The following CCDC92B variants were observed in gnomAD, a reference collection of about 807,000 sequenced individuals.
CCDC92B encodes coiled-coil domain containing 92B.
Under a neutral mutation model 5.6 loss-of-function variants are expected in CCDC92B, and 2 were observed. The ratio of observed to expected loss-of-function variants is 0.36; its 90% CI spans 0.15 to 1.12. The LOEUF (loss-of-function observed/expected upper bound fraction) is 1.12, where lower values mean the gene tolerates loss of function less well. Among genes scored for constraint, CCDC92B ranks in the 50% most tolerant of loss-of-function variants. CCDC92B has a pLI of 0.40. For missense variants in CCDC92B, 271 were observed against 262.2 expected (o/e 1.03, Z -0.23); for synonymous variants, 115 against 122.3 (o/e 0.94, Z 0.39).
At chr17:2,736,775 G>T (rs995956866) in intron 1 of CCDC92B, among the ~76,000 whole-genome samples, 1 of 151,650 alleles carries the variant, frequency 6.6e-6, no homozygotes, top group African/African-American at 2.4e-5. Context: ...CAGCTACTCG[G>T]GAGGCTGAGG....
At position 2,724,506 on chromosome 17, in the gene CCDC92B, G is replaced by A. The variant is rs2070700220; in HGVS notation, c.673C>T (p.Arg225Cys). The A allele has an allele frequency of 1.0e-6, 1 of 980,934 alleles. No homozygotes were observed. The highest frequency in any genetic ancestry group is 1.2e-6 in the Non-Finnish European group (1 of 827,090). The allele number at this position is 980,934 out of a possible 1,614,324, so 60.8% of individuals were successfully genotyped here. Residue 225 changes from arginine (R) to cysteine (C), a missense_variant, in exon 4 of 4, where the codon CGC (arginine) becomes TGC (cysteine). By Grantham distance (180) the Arg-to-Cys change is radical. Coordinates refer to ENST00000614400, the MANE Select transcript of CCDC92B (RefSeq NM_001355573.2). The surrounding 1 kb of genome is among the most constrained non-coding windows in gnomAD (Gnocchi z 5.0). ...TGGGGAGGCGGCTGGCGCGGGCTGC[G>A]GGCGCTGGGCCGCAGCGGCCTGCGT... ...YARRPLRPSA[R>C]SPRQPPPQEP...
In CCDC92B at chr17:2,721,262, G is replaced by C. The variant is rs2070652786; in HGVS notation, c.*3149C>G. 6.6e-6 allele frequency: 1 copy of C among 152,402 alleles called. No individual in the cohort carries two copies. Among genetic ancestry groups the C allele is most frequent in the Non-Finnish European group, 1.5e-5 (1 of 68,180 alleles). 9.4% of individuals were successfully genotyped at this position (152,402 alleles called of 1,614,324 possible). On this transcript the variant is annotated 3_prime_UTR_variant, in exon 4 of 4. Coordinates refer to ENST00000614400, the MANE Select transcript of CCDC92B (RefSeq NM_001355573.2). ...CCCTGGCTGATTTCCAGAGCAGGGG[G>C]AGGTCCCCACCTGCAGCTCTGTGTC...
chr17:2,730,574 A>C (rs752490751), intron 2 of CCDC92B, 81 bp from the exon 3 acceptor site: 7 of 549,880 alleles, frequency 1.3e-5, no homozygotes, highest in Non-Finnish European at 1.5e-5. Flanking sequence ...AGAGAGAGAG[A>C]GAGAGAGAGA....
intron 1 of CCDC92B, among the ~76,000 whole-genome samples, chr17:2,738,685 G>A (rs574602396): frequency 2.6e-5 from 4 of 151,508 alleles, no homozygotes; most frequent in East Asian, 1.9e-4. Context: ...GGCTGAACCC[G>A]GGAGGCGGAG....
rs900767784 is a variant in CCDC92B at position 2,724,351 on chromosome 17, G to A, written c.*60C>T. 5 of 985,034 alleles carry A rather than the reference G, an allele frequency of 5.1e-6. No individual in the cohort carries two copies. Among genetic ancestry groups the A allele is most frequent in the Non-Finnish European group, 4.8e-6 (4 of 829,858 alleles). The allele number at this position is 985,034 out of a possible 1,614,324, so 61.0% of individuals were successfully genotyped here. On this transcript the variant is annotated 3_prime_UTR_variant, in exon 4 of 4. Transcript: ENST00000614400. This position sits in a 1 kb window ranked among gnomAD's most constrained non-coding sequence, Gnocchi z 5.0. ...GACCCGGGACCTGCCTGCGGGGACC[G>A]AGCTGCGTCCCTGGCCGGCCCTCCC...
intron 2 of CCDC92B, among the ~76,000 whole-genome samples, chr17:2,730,759 T>G (rs1318108296): frequency 6.6e-6 from 1 of 152,128 alleles, no homozygotes. Flanking sequence ...GCTTTGAGCC[T>G]GGGTTCGGAG....
At chr17:2,725,988 CTTTTTTTTTTT>C (rs565583381) in intron 3 of CCDC92B, among the ~76,000 whole-genome samples, 2 of 78,260 alleles carry the variant, frequency 2.6e-5, no homozygotes, top group South Asian at 5.2e-4. Context: ...TTTATCACGT[CTTTTTTTTTTT>C]TTTTTTTTTT....
intron 1 of CCDC92B, among the ~76,000 whole-genome samples, chr17:2,739,344 C>T (rs1311622000): frequency 2.8e-5 from 4 of 144,788 alleles, no homozygotes; most frequent in Non-Finnish European, 6.0e-5. Flanking sequence ...TCCAGCCTGG[C>T]GACAGAGCGA....
intron 1 of CCDC92B, chr17:2,748,353 G>A (rs1204336941): frequency 5.1e-6 from 5 of 982,110 alleles, no homozygotes; most frequent in Non-Finnish European, 6.0e-6. Context: ...ACTCTCTCCC[G>A]CCTCTCTGTT....
intron 1 of CCDC92B, among the ~76,000 whole-genome samples, chr17:2,735,385 ACCAGAGGC>A (rs1316957026): frequency 1.3e-5 from 2 of 152,216 alleles, no homozygotes; most frequent in Admixed American, 6.5e-5. Context: ...CACATGGAGA[ACCAGAGGC>A]CCAGAGGGCA....
intron 1 of CCDC92B, among the ~76,000 whole-genome samples, chr17:2,740,171 G>A (rs2070910650): frequency 6.6e-6 from 1 of 152,048 alleles, no homozygotes; most frequent in Non-Finnish European, 1.5e-5. Flanking sequence ...TTCCAGGACG[G>A]TCCCCAAGAT....
rs2070700903 is a variant in CCDC92B, at chr17:2,724,541, A to T, written c.638T>A (p.Phe213Tyr). 1.0e-6 allele frequency: 1 copy of T among 981,356 alleles called. No individual in the cohort carries two copies. The highest frequency in any genetic ancestry group is 1.2e-6 in the Non-Finnish European group (1 of 828,526). 60.8% of individuals were successfully genotyped at this position (981,356 alleles called of 1,614,324 possible). Reference sequence around the variant, plus strand: ...CCGCAGCGGCCTGCGTGCATAGAGGAAGAGCGCGGGGTCGGGCATGGGGTC... The same window carrying T: ...CCGCAGCGGCCTGCGTGCATAGAGGTAGAGCGCGGGGTCGGGCATGGGGTC... ...DADPMPDPALFLYARRPLRPS... is the reference protein window; with the variant it reads ...DADPMPDPALYLYARRPLRPS... Residue 213 changes from phenylalanine (F) to tyrosine (Y), a missense_variant, in exon 4 of 4, where the codon TTC becomes TAC. Transcript: ENST00000614400. The surrounding 1 kb of genome is among the most constrained non-coding windows in gnomAD (Gnocchi z 5.0).
chr17:2,724,976 C>A lies in CCDC92B; in HGVS notation c.203G>T (p.Ser68Ile), dbSNP rs1384848852. Residue 68 changes from serine to isoleucine, a missense_variant, in exon 4 of 4, where the codon AGC becomes ATC. Transcript: ENST00000614400. This position sits in a 1 kb window ranked among gnomAD's most constrained non-coding sequence, Gnocchi z 5.0. ...QQEAASRELESKCRALESQLE... is the reference protein window; with the variant it reads ...QQEAASRELEIKCRALESQLE... ...CTGCGACTCCAGCGCGCGGCACTTGCTCTCCAGCTCCCGGGACGCCGCCTC... is the reference window on the plus strand; with the variant it reads ...CTGCGACTCCAGCGCGCGGCACTTGATCTCCAGCTCCCGGGACGCCGCCTC... 2 of 985,378 alleles carry A rather than the reference C, an allele frequency of 2.0e-6. No homozygotes were observed. The highest frequency in any genetic ancestry group is 1.2e-4 in the Admixed American group (2 of 16,262). 61.0% of individuals were successfully genotyped at this position (985,378 alleles called of 1,614,324 possible).
At chr17:2,725,080 C>G in intron 3 of CCDC92B, 80 bp from the exon 4 acceptor site, 1 of 984,154 alleles carries the variant, frequency 1.0e-6, no homozygotes, top group Non-Finnish European at 1.2e-6. Context: ...CTCCGTGTAA[C>G]AAAACCCCCA....
At chr17:2,728,123 C>T (rs1318209501) in intron 3 of CCDC92B, among the ~76,000 whole-genome samples, 1 of 149,576 alleles carries the variant, frequency 6.7e-6, no homozygotes, top group African/African-American at 2.5e-5. Context: ...CTCAGGAGTT[C>T]AAAACCAGCC....
chr17:2,723,816 C>T lies in CCDC92B; in HGVS notation c.*595G>A. 2.8e-6 allele frequency: 1 copy of T among 355,408 alleles called. No individual in the cohort carries two copies. The highest frequency in any genetic ancestry group is 3.9e-6 in the Non-Finnish European group (1 of 253,670). The allele number at this position is 355,408 out of a possible 1,614,324, so 22.0% of individuals were successfully genotyped here. ...CTTCCATCAGGCGCACTTTTCCCAC[C>T]AGGGGCTCTGGGAGGACGTGTCTTC... On this transcript the variant is annotated 3_prime_UTR_variant, in exon 4 of 4. Coordinates refer to ENST00000614400, the MANE Select transcript of CCDC92B (RefSeq NM_001355573.2).
At chr17:2,729,428 A>G (rs2070770180) in intron 3 of CCDC92B, among the ~76,000 whole-genome samples, 1 of 139,232 alleles carries the variant, frequency 7.2e-6, no homozygotes. Flanking sequence ...CGGGAGGTGG[A>G]GGTTGCAGTG....
chr17:2,731,989 A>G (rs1444455376), intron 2 of CCDC92B, among the ~76,000 whole-genome samples: 1 of 152,232 alleles, frequency 6.6e-6, no homozygotes, highest in African/African-American at 2.4e-5. Context: ...TTGGGCCAGT[A>G]ACAGCACTTC....
At chr17:2,727,246 C>T (rs1052575318) in intron 3 of CCDC92B, among the ~76,000 whole-genome samples, 8 of 152,174 alleles carry the variant, frequency 5.3e-5, no homozygotes, top group African/African-American at 1.7e-4. Flanking sequence ...AGGTTTCAAC[C>T]CTGGATAGAC....
Sources: allele counts gnomAD v4.1 joint callset (sites outside exome capture counted in the v4.1 genomes callset), GRCh38; gene constraint gnomAD v4.1.1; non-coding constraint Gnocchi (gnomAD v3.1); transcripts MANE v1.5; gene names NCBI Gene and HGNC (gene_info 2026-07-23, HGNC 2026-07-21).